HOMER2: variants seen among roughly 807,000 people sequenced by gnomAD.
The protein encoded by HOMER2 is homer scaffold protein 2.
Under a neutral mutation model 47.0 loss-of-function variants are expected in HOMER2, and 27 were observed. That is an observed-to-expected ratio of 0.57 (90% CI 0.42 to 0.79). The LOEUF is 0.79. HOMER2 is among the 30% of genes least tolerant of loss of function. The pLI, the probability that HOMER2 is intolerant of heterozygous loss-of-function variation, is 0.00. For missense variants in HOMER2, 443 were observed against 435.0 expected, an observed-to-expected ratio of 1.02 and a Z score of -0.16; for synonymous variants, 161 against 163.8, an observed-to-expected ratio of 0.98 and a Z score of 0.13.
rs757073475 is a variant in HOMER2 at position 82,882,881 on chromosome 15, CTTTT to C, written c.163-7481_163-7478del. On this transcript the variant is annotated intron_variant, in intron 2 of 8. Transcript: ENST00000450735. ...TGAGTCCATTCTACACCAGCCACTGCTTTTTTTTTTTTTTTTTTTTTTTTTATTA... is the reference window on the plus strand; with the variant it reads ...TGAGTCCATTCTACACCAGCCACTGCTTTTTTTTTTTTTTTTTTTTTATTA... Among the ~76,000 whole-genome samples the C allele has an allele frequency of 3.3e-4, 9 of 27,050 alleles. 1 individual carries two copies. Among genetic ancestry groups the C allele is most frequent in the African/African-American group, 6.5e-4 (4 of 6,174 alleles). The allele number at this position is 27,050 out of a possible 152,430, so 17.7% of individuals were successfully genotyped here.
intron 4 of HOMER2, among the ~76,000 whole-genome samples, chr15:82,862,083 T>A (rs76920819): frequency 4.1e-5 from 6 of 145,978 alleles, no homozygotes; most frequent in Non-Finnish European, 6.0e-5. Context: ...TTTTTTTTTT[T>A]AATAGAGATG....
At chr15:82,945,220 T>TA (rs35180005) in intron 1 of HOMER2, among the ~76,000 whole-genome samples, 3,303 of 120,348 alleles carry the variant, frequency 0.027, 61 homozygotes, top group African/African-American at 0.065. Context: ...TAAAATGTCT[T>TA]AAAAAAAAAA....
intron 1 of HOMER2, among the ~76,000 whole-genome samples, chr15:82,919,047 G>T (rs2053662290): frequency 6.6e-6 from 1 of 152,266 alleles, no homozygotes; most frequent in Non-Finnish European, 1.5e-5. Context: ...CAACCCTCAG[G>T]GTGCAGAGCA....
intron 6 of HOMER2, 175 bp from the exon 7 acceptor site, chr15:82,852,427 C>T (rs1423255176): frequency 5.3e-6 from 3 of 562,284 alleles, no homozygotes; most frequent in East Asian, 6.2e-5. Context: ...ATGGGGCTGC[C>T]TGCACCGCTT....
chr15:82,865,837 G>C (rs1362242637), intron 3 of HOMER2, among the ~76,000 whole-genome samples: 1 of 152,188 alleles, frequency 6.6e-6, no homozygotes, highest in African/African-American at 2.4e-5. Flanking sequence ...GTCAAGAATT[G>C]AGGTTTGGGA....
Position 82,982,832 on chromosome 15 carries a change from T to G in HOMER2, n.82+2955A>C, listed in dbSNP as rs543718067. On this transcript the variant is annotated intron_variant and non_coding_transcript_variant, in intron 1 of 1. Coordinates refer to the HOMER2 transcript ENST00000500334. ...GAAGCATTTTTCTTAGTTTTTCAATTGTCACACTGCCCCTCTTCAAGTTTT... is the reference window on the plus strand; with the variant it reads ...GAAGCATTTTTCTTAGTTTTTCAATGGTCACACTGCCCCTCTTCAAGTTTT... Among the ~76,000 whole-genome samples, 26 of 152,348 alleles carry G rather than the reference T, an allele frequency of 1.7e-4. No individual in the cohort carries two copies. The East Asian group carries it at 2.9e-3, about 17-fold the overall frequency.
chr15:82,962,498 G>A (rs373527791), intron 1 of HOMER2, among the ~76,000 whole-genome samples: 22 of 151,916 alleles, frequency 1.4e-4, no homozygotes, highest in East Asian at 3.9e-4. Context: ...CCAACACGGC[G>A]AAATGCTGTC....
intron 2 of HOMER2, among the ~76,000 whole-genome samples, chr15:82,890,473 T>A (rs149287470): frequency 6.6e-6 from 1 of 152,090 alleles, no homozygotes; most frequent in East Asian, 1.9e-4. Context: ...TGTAAGTGAG[T>A]CTATAGCTTG....
At position 82,897,976 on chromosome 15, in the gene HOMER2, G is replaced by A. The variant is rs145668231; in HGVS notation, c.6-5135C>T. On this transcript the variant is annotated intron_variant, in intron 1 of 8. Coordinates refer to ENST00000450735, the MANE Select transcript of HOMER2 (RefSeq NM_004839.4). ...TGCTATGTATGTGACAGTTTATTAC[G>A]TAGCAATAGAAGAGACACTGTCCTT... Among the ~76,000 whole-genome samples the A allele has an allele frequency of 4.3e-4, 66 of 152,312 alleles. No individual in the cohort carries two copies. In the Middle Eastern group the frequency reaches 0.01, roughly 24 times the overall value.
chr15:82,981,133 T>C (rs1451981013), intron 1 of HOMER2, among the ~76,000 whole-genome samples: 1 of 152,198 alleles, frequency 6.6e-6, no homozygotes, highest in Non-Finnish European at 1.5e-5. Flanking sequence ...GAGGATGCAC[T>C]GGCCAAAGAC....
At chr15:82,870,265 A>T (rs533899846) in intron 3 of HOMER2, among the ~76,000 whole-genome samples, 21 of 152,322 alleles carry the variant, frequency 1.4e-4, no homozygotes, top group Non-Finnish European at 2.9e-4. Context: ...AGTCTAAGCC[A>T]ATCATGGAAA....
intron 1 of HOMER2, among the ~76,000 whole-genome samples, chr15:82,974,481 C>T (rs2030130821): frequency 6.6e-6 from 1 of 152,114 alleles, no homozygotes. Flanking sequence ...AGACTTCTAC[C>T]TACCATGGTG....
rs531210619 is a variant in HOMER2 at position 82,849,987 on chromosome 15, TC to T, written c.844-85del. On this transcript the variant is annotated intron_variant, in intron 8 of 8. Coordinates refer to ENST00000450735, the MANE Select transcript of HOMER2 (RefSeq NM_004839.4). ...AACCTGCTACAGCTGAACCAACCAT[TC>T]TCCATCCAATCTGAGGGCCTGGGCC... 831 of 1,400,196 alleles carry T rather than the reference TC, an allele frequency of 5.9e-4. 7 individuals carry two copies. Among genetic ancestry groups the T allele is most frequent in the East Asian group, 4.7e-3 (203 of 43,616 alleles). The allele number at this position is 1,400,196 out of a possible 1,614,324, so 86.7% of individuals were successfully genotyped here.
At chr15:82,918,195 G>A (rs2053637268) in intron 1 of HOMER2, among the ~76,000 whole-genome samples, 1 of 152,172 alleles carries the variant, frequency 6.6e-6, no homozygotes, top group Non-Finnish European at 1.5e-5. Context: ...GGGACACAGA[G>A]ATATATAGAC....
chr15:82,959,879 A>G (rs1257238935), intron 1 of HOMER2, among the ~76,000 whole-genome samples: 1 of 152,234 alleles, frequency 6.6e-6, no homozygotes, highest in Non-Finnish European at 1.5e-5. Flanking sequence ...GAAGAAATCC[A>G]AAGAATTTGT....
intron 1 of HOMER2, among the ~76,000 whole-genome samples, chr15:82,929,872 A>G (rs1365104078): frequency 6.6e-6 from 1 of 151,788 alleles, no homozygotes; most frequent in East Asian, 2.0e-4. Flanking sequence ...CTGGGATTAC[A>G]GGCATGTGCC....
At chr15:82,847,658 C>T (rs554576399), downstream of HOMER2, among the ~76,000 whole-genome samples, 23 of 152,356 alleles carry the variant, frequency 1.5e-4, no homozygotes, top group South Asian at 4.8e-3. Context: ...TGAGCATTCT[C>T]TTGTCAGTCA....
chr15:82,853,775 C>G (rs2051475103), intron 6 of HOMER2, among the ~76,000 whole-genome samples: 1 of 152,116 alleles, frequency 6.6e-6, no homozygotes, highest in South Asian at 2.1e-4. Flanking sequence ...CATTTTCAAA[C>G]AAATCAAAAT....
At chr15:82,872,888 A>G (rs1158141196) in intron 3 of HOMER2, among the ~76,000 whole-genome samples, 1 of 152,252 alleles carries the variant, frequency 6.6e-6, no homozygotes, top group Admixed American at 6.5e-5. Context: ...TTTGAGCAAC[A>G]GCAACATCAA....
Sources: gnomAD v4.1 joint callset for allele counts (sites outside exome capture counted in the v4.1 genomes callset) on GRCh38, gnomAD v4.1.1 for gene constraint, MANE v1.5 for transcripts, NCBI Gene and HGNC (gene_info 2026-07-23, HGNC 2026-07-21) for gene names.